The following EFL1 variants were observed in gnomAD, a reference collection of about 807,000 sequenced individuals.
EFL1 encodes elongation factor-like GTPase 1.
Under a neutral mutation model 126.7 loss-of-function variants are expected in EFL1, and 76 were observed. The observed-to-expected ratio is 0.60, with a 90% CI of 0.50 to 0.73. EFL1 has a LOEUF of 0.73. Among genes scored for constraint, EFL1 ranks in the 30% least tolerant of loss-of-function variants. The probability of loss-of-function intolerance (pLI) is 0.00; values close to 1 mark genes in which losing one functional copy is unlikely to be tolerated. For synonymous variants in EFL1, 410 were observed against 448.4 expected (o/e 0.91, Z 1.08); for missense variants, 1,128 against 1,343.2 (o/e 0.84, Z 2.50).
intron 15 of EFL1, among the ~76,000 whole-genome samples, chr15:82,212,259 A>G (rs2651689): frequency 6.6e-6 from 1 of 152,258 alleles, no homozygotes; most frequent in South Asian, 2.1e-4. Flanking sequence ...GACAAATCCC[A>G]GTTAGGATAA....
chr15:82,197,753 T>C (rs572098820), intron 15 of EFL1, among the ~76,000 whole-genome samples: 1 of 152,132 alleles, frequency 6.6e-6, no homozygotes, highest in East Asian at 1.9e-4. Flanking sequence ...CAAAATAAAT[T>C]TAAATGCCTG....
chr15:82,141,600 G>A (rs531271765), intron 18 of EFL1, among the ~76,000 whole-genome samples: 18 of 151,760 alleles, frequency 1.2e-4, no homozygotes, highest in Admixed American at 1.1e-3. Context: ...GGAGAACTTG[G>A]GAGGTGGAGA....
chr15:82,136,563 T>A (rs1472097724), intron 19 of EFL1, among the ~76,000 whole-genome samples: 1 of 152,220 alleles, frequency 6.6e-6, no homozygotes, highest in African/African-American at 2.4e-5. Flanking sequence ...CACTAAAACC[T>A]GTGGTAGAGG....
intron 15 of EFL1, among the ~76,000 whole-genome samples, chr15:82,197,129 GA>G (rs2074416826): frequency 2.0e-5 from 3 of 151,958 alleles, no homozygotes; most frequent in Non-Finnish European, 4.4e-5. Context: ...TTTAGAAAGT[GA>G]AAATTTACTA....
At chr15:82,261,343 T>A (rs2075115078) in intron 2 of EFL1, among the ~76,000 whole-genome samples, 1 of 152,202 alleles carries the variant, frequency 6.6e-6, no homozygotes, top group South Asian at 2.1e-4. Flanking sequence ...TTGATAAATA[T>A]CTGATGAATT....
At chr15:82,133,639 GA>G (rs976832979) in intron 19 of EFL1, among the ~76,000 whole-genome samples, 8 of 152,114 alleles carry the variant, frequency 5.3e-5, no homozygotes, top group Non-Finnish European at 1.2e-4. Context: ...ACTTCCTATG[GA>G]AAAAAACTAT....
At chr15:82,188,858 G>A (rs1462981545) in intron 15 of EFL1, among the ~76,000 whole-genome samples, 1 of 150,968 alleles carries the variant, frequency 6.6e-6, no homozygotes, top group African/African-American at 2.4e-5. Context: ...TTTGTTAAAA[G>A]GAAAGGTATA....
chr15:82,173,711 T>C (rs2074160714), intron 15 of EFL1, among the ~76,000 whole-genome samples: 1 of 152,126 alleles, frequency 6.6e-6, no homozygotes, highest in Non-Finnish European at 1.5e-5. Flanking sequence ...AAATAAAATA[T>C]ATAAGAAAAC....
intron 15 of EFL1, among the ~76,000 whole-genome samples, chr15:82,191,877 T>C (rs1218045938): frequency 6.6e-6 from 1 of 152,214 alleles, no homozygotes; most frequent in Non-Finnish European, 1.5e-5. Context: ...TCTCTGGCTG[T>C]AACTAATTAG....
At chr15:82,223,696 A>G (rs2074734245) in intron 12 of EFL1, among the ~76,000 whole-genome samples, 1 of 152,342 alleles carries the variant, frequency 6.6e-6, no homozygotes, top group Non-Finnish European at 1.5e-5. Flanking sequence ...AAAAACATCC[A>G]ATATCCTACA....
chr15:82,134,285 C>G (rs2073696012), intron 19 of EFL1, among the ~76,000 whole-genome samples: 1 of 152,008 alleles, frequency 6.6e-6, no homozygotes, highest in Non-Finnish European at 1.5e-5. Flanking sequence ...CAAGGCTACC[C>G]TTTTATGGTT....
At chr15:82,216,655 A>G (rs1310892200) in intron 14 of EFL1, among the ~76,000 whole-genome samples, 2 of 152,186 alleles carry the variant, frequency 1.3e-5, no homozygotes, top group Non-Finnish European at 2.9e-5. Context: ...TTAAATGAGG[A>G]AAAAATGAAC....
At chr15:82,237,746 GA>G (rs201310269) in intron 7 of EFL1, among the ~76,000 whole-genome samples, 47 of 137,144 alleles carry the variant, frequency 3.4e-4, no homozygotes, top group East Asian at 2.0e-3. Context: ...GCCCAAAAAG[GA>G]AAAAAAAAAA....
chr15:82,194,725 A>G (rs2074392317), intron 15 of EFL1, among the ~76,000 whole-genome samples: 1 of 152,164 alleles, frequency 6.6e-6, no homozygotes, highest in Non-Finnish European at 1.5e-5. Context: ...TCAGCAACCC[A>G]CGTTGTAAGG....
Position 82,240,405 on chromosome 15 carries a change from A to C in EFL1, c.516+13T>G. On this transcript the variant is annotated intron_variant, in intron 6 of 19. Transcript: ENST00000268206. ...TCGTGGCTAAATTTTTTAAATACTA[A>C]AAATTAAAATACCTGTTCTAAAATA... The C allele has an allele frequency of 6.4e-7, 1 of 1,557,050 alleles. No individual in the cohort carries two copies. The highest frequency in any genetic ancestry group is 8.7e-7 in the Non-Finnish European group (1 of 1,150,542).
intron 8 of EFL1, 127 bp from the exon 9 acceptor site, chr15:82,229,237 T>C (rs1470327210): frequency 2.7e-6 from 2 of 736,112 alleles, no homozygotes; most frequent in Non-Finnish European, 4.3e-6. Context: ...AAAAATAAAG[T>C]AGATGAAAGT....
At chr15:82,196,036 C>T (rs1419424686) in intron 15 of EFL1, among the ~76,000 whole-genome samples, 5 of 152,230 alleles carry the variant, frequency 3.3e-5, no homozygotes, top group East Asian at 1.9e-4. Flanking sequence ...GGAGAAAGAA[C>T]ACTTGAGGAG....
chr15:82,215,049 T>A (rs987508096), intron 14 of EFL1, among the ~76,000 whole-genome samples, 194 bp from the exon 15 acceptor site: 2 of 152,224 alleles, frequency 1.3e-5, no homozygotes, highest in African/African-American at 4.8e-5. Context: ...CTCAAACTTC[T>A]CAAATACTAA....
At chr15:82,148,539 C>T (rs985234375) in intron 18 of EFL1, among the ~76,000 whole-genome samples, 24 of 152,034 alleles carry the variant, frequency 1.6e-4, no homozygotes, top group African/African-American at 4.6e-4. Context: ...AATAGGGGTT[C>T]GCAATACCTA....
Sources: allele counts gnomAD v4.1 joint callset (sites outside exome capture counted in the v4.1 genomes callset), GRCh38; gene constraint gnomAD v4.1.1; transcripts MANE v1.5; gene names NCBI Gene and HGNC (gene_info 2026-07-23, HGNC 2026-07-21).